The following WDR7 variants were observed in gnomAD, a reference collection of about 807,000 sequenced individuals.
WDR7 encodes the protein WD repeat domain 7, also known as WD repeat-containing protein 7.
In WDR7, 46 loss-of-function variants were observed where a neutral mutation model predicts 169.4. That is an observed-to-expected ratio of 0.27 (90% CI 0.21 to 0.35). The LOEUF (loss-of-function observed/expected upper bound fraction) is 0.35. WDR7 is among the 10% of genes least tolerant of loss of function. The probability of loss-of-function intolerance (pLI) is 1.00; values close to 1 mark genes in which losing one functional copy is unlikely to be tolerated. For synonymous variants in WDR7, 612 were observed against 666.8 expected (o/e 0.92, Z 1.27); for missense variants, 1,534 against 1,859.3 (o/e 0.83, Z 3.22).
At chr18:56,987,126 C>T (rs1439384762) in intron 26 of WDR7, among the ~76,000 whole-genome samples, 4 of 152,118 alleles carry the variant, frequency 2.6e-5, no homozygotes, top group Admixed American at 1.3e-4. Flanking sequence ...AGCGCTTCCA[C>T]CTGATGGTTT....
At chr18:56,876,555 T>C (rs1296428987) in intron 20 of WDR7, among the ~76,000 whole-genome samples, 1 of 152,178 alleles carries the variant, frequency 6.6e-6, no homozygotes, top group East Asian at 1.9e-4. Flanking sequence ...AAAGAGGACT[T>C]ACAATACATC....
Position 56,927,839 on chromosome 18 carries a change from C to T in WDR7, c.3713+3731C>T, listed in dbSNP as rs188681849. On this transcript the variant is annotated intron_variant, in intron 22 of 27. Coordinates refer to ENST00000254442, the MANE Select transcript of WDR7 (RefSeq NM_015285.3). ...TGCAAATTTGAATCAAAAATCATGT[C>T]TTCAAGACAGTTGCAGTCTTACAGG... Among the ~76,000 whole-genome samples the T allele has an allele frequency of 8.5e-5, 13 of 152,256 alleles. No homozygotes were observed. In the East Asian group the frequency reaches 2.5e-3, roughly 29 times the overall value.
chr18:56,719,402 A>C (rs2026266113), intron 13 of WDR7, among the ~76,000 whole-genome samples: 1 of 152,020 alleles, frequency 6.6e-6, no homozygotes, highest in Admixed American at 6.5e-5. Flanking sequence ...TTCTACTAAA[A>C]ATACAAAAAA....
chr18:56,728,638 C>G (rs1439902547), intron 13 of WDR7, among the ~76,000 whole-genome samples: 1 of 152,134 alleles, frequency 6.6e-6, no homozygotes, highest in Non-Finnish European at 1.5e-5. Flanking sequence ...CCATCCCATC[C>G]CCACTCACCA....
chr18:56,677,201 T>C (rs1365656898), intron 2 of WDR7, among the ~76,000 whole-genome samples: 2 of 152,206 alleles, frequency 1.3e-5, no homozygotes, highest in Non-Finnish European at 2.9e-5. Flanking sequence ...TTTGTTTGTC[T>C]AGAAAGTCTT....
chr18:56,827,782 A>G (rs2045234203), intron 20 of WDR7, among the ~76,000 whole-genome samples: 1 of 152,122 alleles, frequency 6.6e-6, no homozygotes, highest in South Asian at 2.1e-4. Flanking sequence ...GATTATTGCA[A>G]ATTGTATGCC....
At chr18:56,976,571 G>A (rs879910515) in intron 26 of WDR7, among the ~76,000 whole-genome samples, 51 of 152,314 alleles carry the variant, frequency 3.3e-4, no homozygotes, top group African/African-American at 1.2e-3. Context: ...TCTATCAGGA[G>A]ACTCTGTTTT....
intron 17 of WDR7, among the ~76,000 whole-genome samples, chr18:56,777,867 A>T (rs1456780784): frequency 1.3e-5 from 2 of 152,194 alleles, no homozygotes; most frequent in Non-Finnish European, 2.9e-5. Flanking sequence ...TAAGGTTTGT[A>T]TGTTAAGACC....
intron 1 of WDR7, among the ~76,000 whole-genome samples, chr18:56,660,470 C>G (rs556700792): frequency 7.5e-4 from 114 of 152,016 alleles, no homozygotes; most frequent in African/African-American, 2.7e-3. Context: ...AAGTATAATA[C>G]AAATATCCCC....
At chr18:56,762,897 ATTTTT>A (rs34582934) in intron 16 of WDR7, among the ~76,000 whole-genome samples, 1 of 143,072 alleles carries the variant, frequency 7.0e-6, no homozygotes, top group African/African-American at 2.6e-5. Flanking sequence ...CTTAGTAAGA[ATTTTT>A]TTTTTTTTTT....
chr18:56,657,194 G>C (rs1598937985), intron 1 of WDR7, among the ~76,000 whole-genome samples: 1 of 148,160 alleles, frequency 6.7e-6, no homozygotes, highest in African/African-American at 2.5e-5. Flanking sequence ...GTCTCACTCT[G>C]TTGCCCAGGC....
At chr18:56,708,278 C>A (rs1434077778) in intron 12 of WDR7, among the ~76,000 whole-genome samples, 2 of 152,020 alleles carry the variant, frequency 1.3e-5, no homozygotes, top group African/African-American at 4.8e-5. Flanking sequence ...TAGTGATCTG[C>A]CCACATCGGC....
chr18:56,731,309 C>A, intron 13 of WDR7, 74 bp from the exon 14 acceptor site: 1 of 1,495,642 alleles, frequency 6.7e-7, no homozygotes, highest in Non-Finnish European at 9.0e-7. Context: ...AATTTTCATA[C>A]CATTTTTTCT....
rs116632900 is a variant in WDR7, at chr18:56,831,710, G to C, written c.3304+15566G>C. Among the ~76,000 whole-genome samples the C allele has an allele frequency of 5.9e-5, 9 of 152,094 alleles. No individual in the cohort carries two copies. The East Asian group carries it at 1.7e-3, about 30-fold the overall frequency. On this transcript the variant is annotated intron_variant, in intron 20 of 27. Transcript: ENST00000254442. ...GTGAGCAGAAGCTGGGTGAGGCGTC[G>C]TCTCACCCAGGAAACACAAGGGGTT...
At chr18:56,826,966 A>G (rs901506828) in intron 20 of WDR7, among the ~76,000 whole-genome samples, 14 of 152,220 alleles carry the variant, frequency 9.2e-5, no homozygotes, top group Non-Finnish European at 1.9e-4. Context: ...GTCTGCATGC[A>G]AGTGCACAGA....
chr18:56,691,612 A>T, intron 8 of WDR7, 103 bp from the exon 9 acceptor site: 2 of 996,620 alleles, frequency 2.0e-6, no homozygotes, highest in Non-Finnish European at 2.8e-6. Flanking sequence ...ACTATAATTT[A>T]AAAATCCCCT....
At chr18:56,750,074 G>A (rs912708804) in intron 14 of WDR7, among the ~76,000 whole-genome samples, 1 of 151,834 alleles carries the variant, frequency 6.6e-6, no homozygotes, top group African/African-American at 2.4e-5. Context: ...CTTGAATACA[G>A]GTTAATCTCA....
At chr18:56,785,659 C>T (rs1485955967) in intron 19 of WDR7, among the ~76,000 whole-genome samples, 3 of 151,898 alleles carry the variant, frequency 2.0e-5, no homozygotes, top group Admixed American at 6.6e-5. Flanking sequence ...CTTCACAGTC[C>T]GTAAGTGATT....
At chr18:56,723,786 T>A (rs2026375926) in intron 13 of WDR7, among the ~76,000 whole-genome samples, 1 of 152,068 alleles carries the variant, frequency 6.6e-6, no homozygotes, top group Non-Finnish European at 1.5e-5. Context: ...CTCCCCTCCA[T>A]TTTCTTTTCT....
Sources: allele counts gnomAD v4.1 joint callset (sites outside exome capture counted in the v4.1 genomes callset), GRCh38; gene constraint gnomAD v4.1.1; transcripts MANE v1.5; gene names NCBI Gene and HGNC (gene_info 2026-07-23, HGNC 2026-07-21).